RGS6: variants seen among roughly 807,000 people sequenced by gnomAD.
RGS6 encodes regulator of G protein signaling 6, also known as regulator of G-protein signaling 6.
In RGS6, 30 loss-of-function variants were observed where a neutral mutation model predicts 78.5. The observed-to-expected ratio is 0.38, with a 90% CI of 0.29 to 0.52. RGS6 has a LOEUF of 0.52. Ranked by LOEUF, RGS6 falls within the 20% of genes least tolerant of loss-of-function variation. The pLI is 0.85. For synonymous variants in RGS6, 206 were observed against 206.0 expected, an observed-to-expected ratio of 1.00 and a Z score of 0.00; for missense variants, 495 against 609.7, an observed-to-expected ratio of 0.81 and a Z score of 1.98.
At chr14:72,264,164 T>G (rs899418456) in intron 2 of RGS6, among the ~76,000 whole-genome samples, 3 of 152,208 alleles carry the variant, frequency 2.0e-5, no homozygotes, top group African/African-American at 7.2e-5. Context: ...TCTCAGGGCT[T>G]TTCGTAATTT....
At chr14:72,534,343 G>A (rs1394516380) in intron 15 of RGS6, among the ~76,000 whole-genome samples, 2 of 152,174 alleles carry the variant, frequency 1.3e-5, no homozygotes, top group Non-Finnish European at 2.9e-5. Flanking sequence ...ACTTTTATGT[G>A]TACTGGGAAA....
the RGS6 span, among the ~76,000 whole-genome samples, chr14:71,896,633 C>A: frequency 6.6e-6 from 1 of 152,196 alleles, no homozygotes; most frequent in African/African-American, 2.4e-5. Flanking sequence ...TACCCAGCCC[C>A]TATTCAAGAT....
intron 17 of RGS6, among the ~76,000 whole-genome samples, chr14:72,546,180 CAGT>C (rs1393146661): frequency 1.3e-5 from 2 of 152,230 alleles, no homozygotes; most frequent in Non-Finnish European, 2.9e-5. Flanking sequence ...TGTTTACAAT[CAGT>C]GGTGAAGTCC....
chr14:71,893,019 A>T, the RGS6 span, among the ~76,000 whole-genome samples: 2 of 152,256 alleles, frequency 1.3e-5, no homozygotes, highest in Non-Finnish European at 2.9e-5. Context: ...ATTTACTTTT[A>T]AAACGTTCAC....
chr14:72,162,030 A>G (rs1326178462), intron 2 of RGS6, among the ~76,000 whole-genome samples: 3 of 152,214 alleles, frequency 2.0e-5, no homozygotes, highest in African/African-American at 4.8e-5. Flanking sequence ...TAATAGTAGA[A>G]CAGAATTCTG....
At chr14:72,175,510 G>T (rs938167341) in intron 2 of RGS6, among the ~76,000 whole-genome samples, 4 of 152,108 alleles carry the variant, frequency 2.6e-5, no homozygotes, top group African/African-American at 9.7e-5. Flanking sequence ...CGTGGGGCTG[G>T]GCTGACCCTC....
chr14:72,264,093 A>C (rs1249168613), intron 2 of RGS6, among the ~76,000 whole-genome samples: 1 of 152,228 alleles, frequency 6.6e-6, no homozygotes, highest in African/African-American at 2.4e-5. Flanking sequence ...GAAAATCAAT[A>C]GTAGCCTTAT....
At chr14:72,023,265 T>G (rs1043064843) in intron 2 of RGS6, among the ~76,000 whole-genome samples, 1 of 152,206 alleles carries the variant, frequency 6.6e-6, no homozygotes. Flanking sequence ...TTGGTGGAGC[T>G]CCTTTTTCTA....
the RGS6 span, among the ~76,000 whole-genome samples, chr14:71,895,053 T>G: frequency 6.6e-6 from 1 of 150,604 alleles, no homozygotes; most frequent in Non-Finnish European, 1.5e-5. Flanking sequence ...CGTGAGCCAC[T>G]GCACCCAGCC....
At chr14:72,412,531 T>A in intron 3 of RGS6, among the ~76,000 whole-genome samples, 1 of 152,184 alleles carries the variant, frequency 6.6e-6, no homozygotes, top group East Asian at 1.9e-4. Flanking sequence ...CTGGATTCAT[T>A]TATTTTTTTG....
chr14:72,035,279 C>T (rs1353603021), intron 2 of RGS6, among the ~76,000 whole-genome samples: 1 of 138,058 alleles, frequency 7.2e-6, no homozygotes, highest in South Asian at 2.6e-4. Context: ...AATTTACTGG[C>T]ATATGCTTAT....
chr14:72,484,908 T>G (rs1427309303), intron 12 of RGS6, among the ~76,000 whole-genome samples: 1 of 151,266 alleles, frequency 6.6e-6, no homozygotes, highest in Admixed American at 6.6e-5. Context: ...CCACAGAGTG[T>G]ACCCCTGGTA....
At chr14:72,539,978 G>T (rs148085139) in intron 16 of RGS6, 63 bp from the exon 17 acceptor site, 1 of 1,416,674 alleles carries the variant, frequency 7.1e-7, no homozygotes, top group Non-Finnish European at 9.4e-7. Flanking sequence ...TGGGAACCAC[G>T]TATAAGCTGA....
the RGS6 span, among the ~76,000 whole-genome samples, chr14:71,875,135 G>T: frequency 1.3e-5 from 2 of 152,270 alleles, no homozygotes; most frequent in East Asian, 3.9e-4. Context: ...CCAGGCTTTG[G>T]TATTAGGATG....
At chr14:71,947,465 T>C (rs975535214) in intron 1 of RGS6, among the ~76,000 whole-genome samples, 6 of 152,170 alleles carry the variant, frequency 3.9e-5, no homozygotes, top group African/African-American at 1.4e-4. Flanking sequence ...AAAAAAAATC[T>C]GTTTCTAATC....
chr14:72,248,541 A>G (rs945722374), intron 2 of RGS6, among the ~76,000 whole-genome samples: 1 of 152,224 alleles, frequency 6.6e-6, no homozygotes, highest in African/African-American at 2.4e-5. Context: ...GGCCCTCAAT[A>G]AGAGTGTAAA....
At chr14:72,168,073 A>C (rs1375256562) in intron 2 of RGS6, among the ~76,000 whole-genome samples, 1 of 152,172 alleles carries the variant, frequency 6.6e-6, no homozygotes, top group African/African-American at 2.4e-5. Context: ...CTAATACTCT[A>C]TGGCTAAATA....
chr14:72,183,089 C>A (rs562467771), intron 2 of RGS6, among the ~76,000 whole-genome samples: 38 of 152,282 alleles, frequency 2.5e-4, no homozygotes, highest in Admixed American at 5.2e-4. Flanking sequence ...TTCTTCCTGG[C>A]TTTCAGATGT....
chr14:72,080,516 A>G (rs2094774034), intron 2 of RGS6, among the ~76,000 whole-genome samples: 1 of 152,060 alleles, frequency 6.6e-6, no homozygotes, highest in Admixed American at 6.6e-5. Flanking sequence ...GAAGCTTTTT[A>G]GTTTGATGTA....
Sources: gnomAD v4.1 joint callset for allele counts (sites outside exome capture counted in the v4.1 genomes callset) on GRCh38, gnomAD v4.1.1 for gene constraint, MANE v1.5 for transcripts, NCBI Gene and HGNC (gene_info 2026-07-23, HGNC 2026-07-21) for gene names.